Variants in GABBR2 observed in about 807,000 individuals in gnomAD.
GABBR2 encodes gamma-aminobutyric acid type B receptor subunit 2, also known as G-protein coupled receptor 51.
In GABBR2, 23 loss-of-function variants were observed where a neutral mutation model predicts 105.6. The ratio of observed to expected loss-of-function variants is 0.22; its 90% CI spans 0.16 to 0.31. The LOEUF (loss-of-function observed/expected upper bound fraction) is 0.31. Among genes scored for constraint, GABBR2 ranks in the 10% least tolerant of loss-of-function variants. GABBR2 has a pLI of 1.00. For missense variants in GABBR2, 734 were observed against 1,245.5 expected, an observed-to-expected ratio of 0.59 and a Z score of 6.18; for synonymous variants, 478 against 499.7, an observed-to-expected ratio of 0.96 and a Z score of 0.58.
chr9:98,499,978 C>T (rs1386937652), intron 3 of GABBR2, among the ~76,000 whole-genome samples: 7 of 152,034 alleles, frequency 4.6e-5, no homozygotes, highest in Admixed American at 4.6e-4. Flanking sequence ...ACTTGAACCC[C>T]GGAGGCAGAG....
At chr9:98,527,983 T>C (rs1285145780) in intron 3 of GABBR2, among the ~76,000 whole-genome samples, 1 of 152,218 alleles carries the variant, frequency 6.6e-6, no homozygotes, top group East Asian at 1.9e-4. Flanking sequence ...ATCAGCCACA[T>C]GTGATTATCA....
At chr9:98,373,655 T>C (rs1482790041) in intron 11 of GABBR2, among the ~76,000 whole-genome samples, 2 of 152,166 alleles carry the variant, frequency 1.3e-5, no homozygotes, top group African/African-American at 4.8e-5. Context: ...TTTAGTGACA[T>C]GACTGTTAAG....
intron 18 of GABBR2, 124 bp from the exon 19 acceptor site, chr9:98,290,873 C>A (rs1830293057): frequency 1.8e-6 from 1 of 545,720 alleles, no homozygotes; most frequent in Non-Finnish European, 3.0e-6. Flanking sequence ...AATCCAAGAT[C>A]TGTCCATCCA....
chr9:98,451,457 G>C (rs1826227977), intron 7 of GABBR2, among the ~76,000 whole-genome samples: 1 of 152,164 alleles, frequency 6.6e-6, no homozygotes, highest in African/African-American at 2.4e-5. Context: ...CTTTAGTCCA[G>C]AATGGCTCTG....
chr9:98,594,927 G>A (rs916587263), intron 1 of GABBR2, among the ~76,000 whole-genome samples: 2 of 152,208 alleles, frequency 1.3e-5, no homozygotes, highest in African/African-American at 4.8e-5. Flanking sequence ...CTTTCAGGCT[G>A]AGATCTGCCA....
chr9:98,445,531 A>G (rs1184811123), intron 7 of GABBR2, among the ~76,000 whole-genome samples: 1 of 152,272 alleles, frequency 6.6e-6, no homozygotes, highest in African/African-American at 2.4e-5. Flanking sequence ...TTTGTTAACG[A>G]CGTGTTCTCG....
intron 1 of GABBR2, among the ~76,000 whole-genome samples, chr9:98,644,595 A>C (rs901609208): frequency 4.6e-5 from 7 of 152,172 alleles, no homozygotes; most frequent in African/African-American, 1.7e-4. Flanking sequence ...TAATCCCAGC[A>C]CTTCGGGAGG....
chr9:98,341,094 G>A (rs865920553), intron 13 of GABBR2, among the ~76,000 whole-genome samples: 1 of 152,204 alleles, frequency 6.6e-6, no homozygotes, highest in Non-Finnish European at 1.5e-5. Context: ...TGGGCCTCTG[G>A]CTGGCCCCAT....
In GABBR2 at chr9:98,454,266, C is replaced by T. The variant is rs1332729092; in HGVS notation, c.1000-49G>A. ...AATCCCAAGTTATACTCGGCAGGGA[C>T]ATCAGGTGCCTGATGCCGAGAAGAG... On this transcript the variant is annotated intron_variant, in intron 6 of 18. Coordinates refer to ENST00000259455, the MANE Select transcript of GABBR2 (RefSeq NM_005458.8). This position sits in a 1 kb window ranked among gnomAD's most constrained non-coding sequence, Gnocchi z 4.6. The T allele has an allele frequency of 1.6e-6, 2 of 1,276,138 alleles. No individual in the cohort carries two copies. Among genetic ancestry groups the T allele is most frequent in the Non-Finnish European group, 2.3e-6 (2 of 872,206 alleles). The allele number at this position is 1,276,138 out of a possible 1,614,324, so 79.1% of individuals were successfully genotyped here.
chr9:98,398,501 G>A (rs1444821430), intron 8 of GABBR2, among the ~76,000 whole-genome samples: 3 of 152,102 alleles, frequency 2.0e-5, no homozygotes, highest in African/African-American at 7.2e-5. Flanking sequence ...CCTGTTCAAT[G>A]ATGCTGCAAT....
intron 3 of GABBR2, among the ~76,000 whole-genome samples, chr9:98,512,868 C>T (rs149702841): frequency 0.11 from 17,345 of 152,194 alleles, 1,649 homozygotes; most frequent in East Asian, 0.5. Flanking sequence ...CCTCATCAAG[C>T]TACCAATGAC....
intron 7 of GABBR2, among the ~76,000 whole-genome samples, chr9:98,421,725 G>A (rs915228850): frequency 6.6e-6 from 1 of 152,136 alleles, no homozygotes; most frequent in Non-Finnish European, 1.5e-5. Flanking sequence ...CAAAAACATG[G>A]CACCATAAAT....
rs61391834 is a variant in GABBR2 at position 98,364,601 on chromosome 9, AT to A, written c.1771-1765del. 9.2e-3 allele frequency among the ~76,000 whole-genome samples: 1,239 copies of A among 135,080 alleles called. 12 individuals carry two copies. Among genetic ancestry groups the A allele is most frequent in the African/African-American group, 0.023 (810 of 34,916 alleles). The allele number at this position is 135,080 out of a possible 152,430, so 88.6% of individuals were successfully genotyped here. On this transcript the variant is annotated intron_variant, in intron 12 of 18. Coordinates refer to ENST00000259455, the MANE Select transcript of GABBR2 (RefSeq NM_005458.8). Reference sequence around the variant, plus strand: ...TCAAGTATGAAGTCTGAGGAAGTGGATTTTTTTTTTTTTTTTATGGAATCTT... The same window carrying A: ...TCAAGTATGAAGTCTGAGGAAGTGGATTTTTTTTTTTTTTTATGGAATCTT...
intron 3 of GABBR2, among the ~76,000 whole-genome samples, chr9:98,514,462 T>C (rs537343143): frequency 2.1e-5 from 3 of 146,136 alleles, no homozygotes; most frequent in African/African-American, 5.0e-5. Context: ...TGGAATACTA[T>C]GCAGCCATAA....
rs548588720 is a variant in GABBR2, at chr9:98,576,106, C to T, written c.459+1829G>A. 8.5e-5 allele frequency among the ~76,000 whole-genome samples: 13 copies of T among 152,334 alleles called. No individual in the cohort carries two copies. In the South Asian group the frequency reaches 1.5e-3, roughly 17 times the overall value. ...GCCATAGCTTGTGCCCACCACCCCT[C>T]GTGGCTGCAAGCTTGGGCTCCACCC... On this transcript the variant is annotated intron_variant, in intron 2 of 18. Transcript: ENST00000259455.
intron 1 of GABBR2, among the ~76,000 whole-genome samples, chr9:98,678,088 C>A (rs1361814475): frequency 6.6e-6 from 1 of 152,178 alleles, no homozygotes; most frequent in Non-Finnish European, 1.5e-5. Context: ...CCTCCCTCAA[C>A]CCCCACTGTC....
chr9:98,687,325 T>C (rs1830632020), intron 1 of GABBR2, among the ~76,000 whole-genome samples: 1 of 151,942 alleles, frequency 6.6e-6, no homozygotes, highest in Non-Finnish European at 1.5e-5. Flanking sequence ...ACAGGATTCT[T>C]GCTGAAGTCA....
rs71369558 is a variant in GABBR2 at position 98,290,269 on chromosome 9, G to GTTTTTTTTTTTTTTTTTT, written c.*297_*314dup. ...GCCTCTCTCCTTGTCTAGTTTTTTT[G>GTTTTTTTTTTTTTTTTTT]TTTTTTTTTTTTTTTTTTTTTTTTT... On this transcript the variant is annotated 3_prime_UTR_variant, in exon 19 of 19. Coordinates refer to ENST00000259455, the MANE Select transcript of GABBR2 (RefSeq NM_005458.8). 2.6e-5 allele frequency: 2 copies of GTTTTTTTTTTTTTTTTTT among 76,870 alleles called. No homozygotes were observed. Among genetic ancestry groups the GTTTTTTTTTTTTTTTTTT allele is most frequent in the African/African-American group, 5.5e-5 (1 of 18,100 alleles). The allele number at this position is 76,870 out of a possible 1,614,324, so 4.8% of individuals were successfully genotyped here.
chr9:98,599,943 A>G (rs1018677855), intron 1 of GABBR2, among the ~76,000 whole-genome samples: 2 of 152,202 alleles, frequency 1.3e-5, no homozygotes, highest in Non-Finnish European at 2.9e-5. Flanking sequence ...GCTCCACAGT[A>G]TTAATAGAAA....
Sources: allele counts gnomAD v4.1 joint callset (sites outside exome capture counted in the v4.1 genomes callset), GRCh38; gene constraint gnomAD v4.1.1; non-coding constraint Gnocchi (gnomAD v3.1); transcripts MANE v1.5; gene names NCBI Gene and HGNC (gene_info 2026-07-23, HGNC 2026-07-21).